The following HNF1A variants were observed in gnomAD, a reference collection of about 807,000 sequenced individuals.
HNF1A encodes the protein hepatocyte nuclear factor 1-alpha.
Under a neutral mutation model 62.2 loss-of-function variants are expected in HNF1A, and 21 were observed. That is an observed-to-expected ratio of 0.34 (90% CI 0.24 to 0.49). HNF1A has a LOEUF of 0.49. Ranked by LOEUF, HNF1A falls within the 20% of genes least tolerant of loss-of-function variation. HNF1A has a pLI of 0.99. For missense variants in HNF1A, 687 were observed against 832.3 expected, an observed-to-expected ratio of 0.83 and a Z score of 2.15; for synonymous variants, 374 against 366.8, an observed-to-expected ratio of 1.02 and a Z score of -0.22.
chr12:120,990,596 TGATAGGAAAGGGAGGAAA>T (rs71076697), intron 2 of HNF1A, among the ~76,000 whole-genome samples: 8,514 of 121,828 alleles, frequency 0.07, 557 homozygotes, highest in East Asian at 0.23. Context: ...AAAGGAAAGA[TGATAGGAAAGGGAGGAAA>T]GATAGGAAAG....
rs949112519 is a variant in HNF1A at position 120,996,972 on chromosome 12, A to G, written c.1309+230A>G. 1.3e-6 allele frequency: 2 copies of G among 1,496,542 alleles called. No individual in the cohort carries two copies. The highest frequency in any genetic ancestry group is 4.0e-5 in the Admixed American group (2 of 50,580). The allele number at this position is 1,496,542 out of a possible 1,614,324, so 92.7% of individuals were successfully genotyped here. A position where few individuals can be genotyped will look rare whatever the true frequency, so the allele number is the denominator to read the frequency against. ...AGGCAGGCACTAAGCATAATACATC[A>G]ATTCTGTGGTACCTCAGAAGGTGAA... On this transcript the variant is annotated intron_variant, in intron 6 of 9. Coordinates refer to ENST00000257555, the MANE Select transcript of HNF1A (RefSeq NM_000545.8). This position sits in a 1 kb window ranked among gnomAD's most constrained non-coding sequence, Gnocchi z 4.5.
At chr12:120,999,651 C>T (rs542036068) in intron 9 of HNF1A, 24 bp downstream of exon 9, 17 of 1,601,332 alleles carry the variant, frequency 1.1e-5, no homozygotes, top group African/African-American at 1.3e-5. Context: ...GCTCCACCCC[C>T]TCCCTTACTG....
In HNF1A at chr12:121,002,454, CG is replaced by C. The variant is rs1404246322; in HGVS notation, c.*1266del. The C allele has an allele frequency of 1.9e-6, 1 of 529,350 alleles. No homozygotes were observed. Among genetic ancestry groups the C allele is most frequent in the African/African-American group, 1.9e-5 (1 of 53,480 alleles). 32.8% of individuals were successfully genotyped at this position (529,350 alleles called of 1,614,324 possible). On this transcript the variant is annotated 3_prime_UTR_variant, in exon 10 of 10. Transcript: ENST00000257555. ...GCACCCCCTGCAGCTTGTAGCCAGCCGGGGCGAGTGGCACGTTTATTTAACT... is the reference window on the plus strand; with the variant it reads ...GCACCCCCTGCAGCTTGTAGCCAGCCGGGCGAGTGGCACGTTTATTTAACT...
Position 120,992,589 on chromosome 12 carries a change from T to C in HNF1A, c.527-931T>C, listed in dbSNP as rs1876888708. Reference sequence around the variant, plus strand: ...CCCAAATCCAAAGCATACAGTTCAATGAATTTTCACAAAGTGAACACACCA... The same window carrying C: ...CCCAAATCCAAAGCATACAGTTCAACGAATTTTCACAAAGTGAACACACCA... On this transcript the variant is annotated intron_variant, in intron 2 of 9. Transcript: ENST00000257555. Among the ~76,000 whole-genome samples the C allele has an allele frequency of 2.0e-5, 3 of 152,084 alleles. No homozygotes were observed. In the South Asian group the frequency reaches 6.2e-4, roughly 32 times the overall value.
chr12:120,990,880 G>T (rs1202725371), intron 2 of HNF1A, among the ~76,000 whole-genome samples: 1 of 152,094 alleles, frequency 6.6e-6, no homozygotes, highest in Non-Finnish European at 1.5e-5. Flanking sequence ...AGTAGCAATA[G>T]ATATGTTATT....
At chr12:120,980,238 G>A (rs987181013) in intron 1 of HNF1A, among the ~76,000 whole-genome samples, 4 of 152,200 alleles carry the variant, frequency 2.6e-5, no homozygotes, top group Admixed American at 1.3e-4. Context: ...ACTCTGTTCG[G>A]TGCTCTCAAT....
chr12:121,002,140 C>T lies in HNF1A; in HGVS notation c.*948C>T, dbSNP rs781004510. The stretch of plus-strand genomic sequence containing the variant: ...CAAGGCCCGAGCAGCTGAGCAGGGC[C>T]GGGGAACTGGCCAAGCTGAGGTGCC... On this transcript the variant is annotated 3_prime_UTR_variant, in exon 10 of 10. Transcript: ENST00000257555. 2.1e-5 allele frequency: 11 copies of T among 517,176 alleles called. No individual in the cohort carries two copies. The East Asian group carries it at 2.7e-4, about 13-fold the overall frequency. The allele number at this position is 517,176 out of a possible 1,614,324, so 32.0% of individuals were successfully genotyped here.
intron 1 of HNF1A, among the ~76,000 whole-genome samples, chr12:120,981,781 T>G (rs774757939): frequency 5.0e-4 from 76 of 152,242 alleles, no homozygotes; most frequent in Non-Finnish European, 7.8e-4. Flanking sequence ...ATCTGATTTG[T>G]TTGTTTTCTA....
rs1301331120 is a variant in HNF1A, at chr12:121,001,363, G to A, written c.*171G>A. 30 of 820,372 alleles carry A rather than the reference G, an allele frequency of 3.7e-5. 1 individual carries two copies. The highest frequency in any genetic ancestry group is 2.4e-4 in the East Asian group (9 of 37,184). 50.8% of individuals were successfully genotyped at this position (820,372 alleles called of 1,614,324 possible). ...CATCAGAAAGGGAGGGCTCTGAGGC[G>A]CCCCAACCCGTGGAGGCTGCTCGGG... On this transcript the variant is annotated 3_prime_UTR_variant, in exon 10 of 10. Transcript: ENST00000257555.
chr12:120,996,110 A>T lies in HNF1A; in HGVS notation c.956-152A>T. The T allele has an allele frequency of 1.1e-6, 1 of 921,624 alleles. No individual in the cohort carries two copies. The highest frequency in any genetic ancestry group is 1.7e-6 in the Non-Finnish European group (1 of 587,528). The allele number at this position is 921,624 out of a possible 1,614,324, so 57.1% of individuals were successfully genotyped here. On this transcript the variant is annotated intron_variant, in intron 4 of 9. Coordinates refer to ENST00000257555, the MANE Select transcript of HNF1A (RefSeq NM_000545.8). This position sits in a 1 kb window ranked among gnomAD's most constrained non-coding sequence, Gnocchi z 4.5. ...GAGCAGCTGACCCAGGGCTTGGCAA[A>T]AGGTAGAAACAAAGGCAGATTTGCT...
Position 120,988,908 on chromosome 12 carries a change from C to A in HNF1A, c.402C>A (p.Val134=). ...ACAACATCCCACAGCGGGAGGTGGT[C>A]GATACCACTGGCCTCAACCAGTCCC... The part of the protein sequence containing the change: ...QQHNIPQREV[V]DTTGLNQSHL... The change falls in exon 2 of 10, where the codon GTC becomes GTA. Residue 134 remains valine (V), a synonymous_variant. Coordinates refer to ENST00000257555, the MANE Select transcript of HNF1A (RefSeq NM_000545.8). 6.2e-7 allele frequency: 1 copy of A among 1,614,198 alleles called. No homozygotes were observed. Among genetic ancestry groups the A allele is most frequent in the Non-Finnish European group, 8.5e-7 (1 of 1,180,036 alleles).
Position 120,999,640 on chromosome 12 carries a change from G to A in HNF1A, c.1768+13G>A, listed in dbSNP as rs1877325027. 1.2e-6 allele frequency: 2 copies of A among 1,605,270 alleles called. No individual in the cohort carries two copies. The highest frequency in any genetic ancestry group is 1.3e-5 in the African/African-American group (1 of 74,848). On this transcript the variant is annotated intron_variant, in intron 9 of 9. Coordinates refer to ENST00000257555, the MANE Select transcript of HNF1A (RefSeq NM_000545.8). ...GCCAGCCCCACAGGTGAGAGGCCCT[G>A]GCTCCACCCCCTCCCTTACTGTCCC...
chr12:120,999,939 C>A (rs1010794285), intron 9 of HNF1A, among the ~76,000 whole-genome samples: 1 of 152,208 alleles, frequency 6.6e-6, no homozygotes, highest in African/African-American at 2.4e-5. Context: ...AGAAGCGACT[C>A]TTGCATGTGT....
chr12:120,992,629 T>C (rs940351540), intron 2 of HNF1A, among the ~76,000 whole-genome samples: 2 of 152,034 alleles, frequency 1.3e-5, no homozygotes, highest in African/African-American at 2.4e-5. Context: ...AGATAAAAAA[T>C]AGAATATTAC....
At chr12:120,987,977 G>A (rs1876603745) in intron 1 of HNF1A, among the ~76,000 whole-genome samples, 1 of 151,880 alleles carries the variant, frequency 6.6e-6, no homozygotes, top group Admixed American at 6.6e-5. Context: ...TTTTCCAGCA[G>A]GTCTCCTTCG....
intron 1 of HNF1A, among the ~76,000 whole-genome samples, chr12:120,987,474 CAAAAAAAA>C (rs59729082): frequency 4.8e-5 from 3 of 62,308 alleles, no homozygotes; most frequent in Non-Finnish European, 6.8e-5. Flanking sequence ...GACTCCATCT[CAAAAAAAA>C]AAAAAAAAAA....
rs568516127 is a variant in HNF1A, at chr12:120,999,884, G to A, written c.1768+257G>A. On this transcript the variant is annotated intron_variant, in intron 9 of 9. Transcript: ENST00000257555. The stretch of plus-strand genomic sequence containing the variant: ...GACTGAGGAAAATGATGAAGTAATT[G>A]TTAGAGGCAGTGGAGAGTAACGATA... 1.2e-4 allele frequency among the ~76,000 whole-genome samples: 18 copies of A among 152,298 alleles called. No homozygotes were observed. The South Asian group carries it at 3.5e-3, about 30-fold the overall frequency.
chr12:120,991,601 TATGTATGTATGTATGTATGTATGTATG>T (rs1260037948), intron 2 of HNF1A, among the ~76,000 whole-genome samples: 3 of 74 alleles, frequency 0.041, no homozygotes, highest in East Asian at 0.25. Context: ...CAAATAAATG[TATGTATGTATGTATGTATGTATGTATG>T]ATGTATGTAT....
intron 1 of HNF1A, among the ~76,000 whole-genome samples, chr12:120,986,060 G>A (rs1161985643): frequency 2.6e-5 from 4 of 151,936 alleles, no homozygotes; most frequent in African/African-American, 7.3e-5. Context: ...AAGTACACAA[G>A]GACAACAGAG....
Sources: gnomAD v4.1 joint callset for allele counts (sites outside exome capture counted in the v4.1 genomes callset) on GRCh38, gnomAD v4.1.1 for gene constraint, Gnocchi (gnomAD v3.1) non-coding constraint, MANE v1.5 for transcripts, NCBI Gene and HGNC (gene_info 2026-07-23, HGNC 2026-07-21) for gene names.